Variants in STON1 observed in about 807,000 individuals in gnomAD.
STON1 encodes stonin-1.
A neutral mutation model predicts 60.9 loss-of-function variants in STON1; 79 were observed. The observed-to-expected ratio is 1.30, with a 90% confidence interval of 1.08 to 1.56. The LOEUF is 1.56. Among genes scored for constraint, STON1 ranks in the 40% most tolerant of loss-of-function variants. The pLI is 0.00. For synonymous variants in STON1, 363 were observed against 306.9 expected, an observed-to-expected ratio of 1.18 and a Z score of -1.91; for missense variants, 1,166 against 858.9, an observed-to-expected ratio of 1.36 and a Z score of -4.47.
intron 1 of STON1, among the ~76,000 whole-genome samples, chr2:48,533,767 CTTTTTT>C: frequency 1.1e-5 from 1 of 90,566 alleles, no homozygotes; most frequent in East Asian, 3.2e-4. Context: ...TTACACAGGA[CTTTTTT>C]TTTTTTTTTT....
chr2:48,532,431 T>A (rs1671251853), intron 1 of STON1, among the ~76,000 whole-genome samples: 1 of 40,782 alleles, frequency 2.5e-5, no homozygotes. Flanking sequence ...ATTCAAAAAG[T>A]AAGTCCAAAA....
At chr2:48,567,014 T>TA (rs916968923) in intron 1 of STON1, among the ~76,000 whole-genome samples, 38 of 145,148 alleles carry the variant, frequency 2.6e-4, no homozygotes, top group East Asian at 4.0e-4. Context: ...TAGAACAAGG[T>TA]AAAAAAAAAA....
At chr2:48,537,241 G>C (rs2103740644) in intron 1 of STON1, among the ~76,000 whole-genome samples, 1 of 152,232 alleles carries the variant, frequency 6.6e-6, no homozygotes, top group African/African-American at 2.4e-5. Flanking sequence ...CGTGAAGTTT[G>C]CTTAAGGTTT....
intron 1 of STON1, among the ~76,000 whole-genome samples, chr2:48,532,263 C>G (rs1244350281): frequency 6.6e-6 from 1 of 151,806 alleles, no homozygotes; most frequent in East Asian, 1.9e-4. Context: ...GCGGAAGAAT[C>G]GTTTGAACCT....
chr2:48,577,309 G>A lies in STON1; in HGVS notation c.-47-3278G>A, dbSNP rs1291838830. Among the ~76,000 whole-genome samples the A allele has an allele frequency of 5.9e-5, 9 of 151,932 alleles. No individual in the cohort carries two copies. In the East Asian group the frequency reaches 7.8e-4, roughly 13 times the overall value. On this transcript the variant is annotated intron_variant, in intron 1 of 3. Transcript: ENST00000404752. ...CAGAGTTTTATAGTTTTCACCGGGC[G>A]CGGTGGCTCATCCCTATAATCCCAG...
At chr2:48,547,523 C>G in intron 1 of STON1, among the ~76,000 whole-genome samples, 1 of 152,198 alleles carries the variant, frequency 6.6e-6, no homozygotes, top group Middle Eastern at 3.2e-3. Flanking sequence ...GTCAGTGTCC[C>G]ATGGTCGTGC....
At chr2:48,554,329 C>T (rs915906132) in intron 1 of STON1, among the ~76,000 whole-genome samples, 1 of 152,214 alleles carries the variant, frequency 6.6e-6, no homozygotes, top group Non-Finnish European at 1.5e-5. Context: ...TCAAGCAGTT[C>T]TCCTGCCTCA....
At chr2:48,573,214 A>G (rs969855788) in intron 1 of STON1, among the ~76,000 whole-genome samples, 4 of 152,098 alleles carry the variant, frequency 2.6e-5, no homozygotes, top group African/African-American at 9.6e-5. Flanking sequence ...AGGGACTTTC[A>G]TTTTCTGTCA....
At chr2:48,559,647 G>A (rs1672528242) in intron 1 of STON1, among the ~76,000 whole-genome samples, 1 of 152,314 alleles carries the variant, frequency 6.6e-6, no homozygotes, top group Non-Finnish European at 1.5e-5. Flanking sequence ...GGGAATTGAA[G>A]TAACTTGCTC....
At chr2:48,592,342 T>A (rs1466256150) in intron 3 of STON1, among the ~76,000 whole-genome samples, 3 of 152,048 alleles carry the variant, frequency 2.0e-5, no homozygotes, top group Non-Finnish European at 4.4e-5. Context: ...TTTGTGGGTA[T>A]GTGTATGTAA....
At chr2:48,582,914 T>G (rs1458826925) in intron 2 of STON1, among the ~76,000 whole-genome samples, 2 of 152,214 alleles carry the variant, frequency 1.3e-5, no homozygotes, top group African/African-American at 4.8e-5. Flanking sequence ...TAGCTGAGAT[T>G]CCCTAATTAA....
intron 1 of STON1, among the ~76,000 whole-genome samples, chr2:48,559,355 T>C (rs1196822708): frequency 6.6e-6 from 1 of 152,206 alleles, no homozygotes; most frequent in Non-Finnish European, 1.5e-5. Context: ...TCCAGTGGAC[T>C]TGATGTCTGC....
intron 3 of STON1, among the ~76,000 whole-genome samples, chr2:48,594,518 A>C (rs1402868688): frequency 6.6e-6 from 1 of 152,214 alleles, no homozygotes; most frequent in African/African-American, 2.4e-5. Context: ...CCCTGTCCTC[A>C]TGGAGCATAG....
At chr2:48,560,384 C>G (rs1348880728) in intron 1 of STON1, among the ~76,000 whole-genome samples, 1 of 152,198 alleles carries the variant, frequency 6.6e-6, no homozygotes, top group Non-Finnish European at 1.5e-5. Context: ...GTCCTGCACC[C>G]CAGCCCAAAC....
chr2:48,556,825 G>A lies in STON1; in HGVS notation c.-47-23762G>A, dbSNP rs1158517533. Reference sequence around the variant, plus strand: ...ACCCCCCACCTCCCTCCCGGACGGGGCGGCTGGCCGGGTGGGGGGGCTGAC... The same window carrying A: ...ACCCCCCACCTCCCTCCCGGACGGGACGGCTGGCCGGGTGGGGGGGCTGAC... On this transcript the variant is annotated intron_variant, in intron 1 of 3. Transcript: ENST00000404752. Among the ~76,000 whole-genome samples the A allele has an allele frequency of 3.0e-5, 2 of 67,362 alleles. 1 individual carries two copies. The highest frequency in any genetic ancestry group is 5.7e-5 in the Non-Finnish European group (2 of 35,112). The allele number at this position is 67,362 out of a possible 152,430, so 44.2% of individuals were successfully genotyped here. A position where few individuals can be genotyped will look rare whatever the true frequency, so the allele number is the denominator to read the frequency against.
chr2:48,539,896 C>A (rs112272873), intron 1 of STON1, among the ~76,000 whole-genome samples: 2 of 152,068 alleles, frequency 1.3e-5, no homozygotes, highest in South Asian at 4.1e-4. Flanking sequence ...AATGATGTTC[C>A]TCTAGACCTA....
At chr2:48,545,359 C>T (rs1313441083) in intron 1 of STON1, among the ~76,000 whole-genome samples, 1 of 152,210 alleles carries the variant, frequency 6.6e-6, no homozygotes, top group African/African-American at 2.4e-5. Context: ...TCTGCACCCA[C>T]ATATTCCCAT....
At chr2:48,589,309 C>T (rs1445785432) in intron 2 of STON1, among the ~76,000 whole-genome samples, 3 of 152,124 alleles carry the variant, frequency 2.0e-5, no homozygotes, top group East Asian at 1.9e-4. Flanking sequence ...TTACATTCCC[C>T]GTCCTAAGAA....
chr2:48,591,721 T>G lies in STON1; in HGVS notation c.1999T>G (p.Trp667Gly), dbSNP rs749895958. ...ATCAGACCAAGAAATTCCCTCTGAT[T>G]GGTATCCATTTGCTACTGTTCAGTT... ...LGSDQEIPSD[W>G]YPFATVQFSV... Residue 667 changes from tryptophan (W) to glycine (G), a missense_variant, in exon 3 of 4, where the codon TGG (tryptophan) becomes GGG (glycine). Transcript: ENST00000404752. 5 of 1,614,070 alleles carry G rather than the reference T, an allele frequency of 3.1e-6. No homozygotes were observed. The highest frequency in any genetic ancestry group is 1.7e-5 in the Admixed American group (1 of 60,004).
Sources: gnomAD v4.1 joint callset for allele counts (sites outside exome capture counted in the v4.1 genomes callset) on GRCh38, gnomAD v4.1.1 for gene constraint, MANE v1.5 for transcripts, NCBI Gene and HGNC (gene_info 2026-07-23, HGNC 2026-07-21) for gene names.